RPUSD2: variants seen among roughly 807,000 people sequenced by gnomAD.
RPUSD2 encodes the protein RNA pseudouridine synthase domain containing 2.
In RPUSD2, 31 loss-of-function variants were observed where a neutral mutation model predicts 41.5. The ratio of observed to expected loss-of-function variants is 0.75; its 90% CI spans 0.56 to 1.01. The LOEUF is 1.01. Among genes scored for constraint, RPUSD2 ranks in the 50% least tolerant of loss-of-function variants. The pLI, the probability that RPUSD2 is intolerant of heterozygous loss-of-function variation, is 0.00. For missense variants in RPUSD2, 749 were observed against 724.7 expected, an observed-to-expected ratio of 1.03 and a Z score of -0.38; for synonymous variants, 305 against 289.7, an observed-to-expected ratio of 1.05 and a Z score of -0.54.
rs757010435 is a variant in RPUSD2, at chr15:40,569,649, C to T, written c.312C>T (p.Gly104=). 2 of 1,538,622 alleles carry T rather than the reference C, an allele frequency of 1.3e-6. No homozygotes were observed. The highest frequency in any genetic ancestry group is 8.8e-7 in the Non-Finnish European group (1 of 1,139,558). ...CGGGCAAGCATAAGAAGCGGCGGGG[C>T]GCAACCAGGGAGCGTGTCGTGCCGC... is the stretch of plus-strand genomic sequence containing the variant. ...PGPGKHKKRR[G]ATRERVVPPP... Residue 104 remains glycine (G), a synonymous_variant, in exon 1 of 3, where the codon GGC becomes GGT. Coordinates refer to ENST00000315616, the MANE Select transcript of RPUSD2 (RefSeq NM_152260.3).
At position 40,569,494 on chromosome 15, in the gene RPUSD2, C is replaced by A; in HGVS notation, c.157C>A (p.His53Asn). 6.4e-7 allele frequency: 1 copy of A among 1,559,244 alleles called. No individual in the cohort carries two copies. Among genetic ancestry groups the A allele is most frequent in the South Asian group, 1.2e-5 (1 of 81,524 alleles). Residue 53 changes from histidine to asparagine, a missense_variant, in exon 1 of 3, where the codon CAT becomes AAT. Transcript: ENST00000315616. ...GACAGAGGGCGGGCTGAGGGCTTCG[C>A]ATCAGCAAAACGGTGACGCTGGTGG... ...VGTEGGLRAS[H>N]QQNGDAGGDA...
chr15:40,573,651 C>G lies in RPUSD2; in HGVS notation c.1028C>G (p.Pro343Arg), dbSNP rs1290930937. 1.4e-6 allele frequency: 2 copies of G among 1,470,006 alleles called. No homozygotes were observed. The highest frequency in any genetic ancestry group is 9.0e-7 in the Non-Finnish European group (1 of 1,106,532). The allele number at this position is 1,470,006 out of a possible 1,614,324, so 91.1% of individuals were successfully genotyped here. The change falls in exon 3 of 3, where the codon CCC (proline) becomes CGC (arginine). Residue 343 changes from proline to arginine, a missense_variant. Pro to Arg is a moderately radical substitution (Grantham distance 103, BLOSUM62 -2). Transcript: ENST00000315616. ...GVCRVDPRGK[P>R]CETVFQRLSY... ...TGCCGTGTAGATCCCCGGGGCAAGC[C>G]CTGTGAGACAGTGTTCCAGAGGCTA... is the stretch of plus-strand genomic sequence containing the variant.
At chr15:40,571,502 A>G (rs907395429) in intron 1 of RPUSD2, 102 bp from the exon 2 acceptor site, 1 of 1,091,792 alleles carries the variant, frequency 9.2e-7, no homozygotes, top group Non-Finnish European at 1.3e-6. Flanking sequence ...ATGTGCTTTC[A>G]CCATTTTTCC....
intron 1 of RPUSD2, 41 bp from the exon 2 acceptor site, chr15:40,571,563 C>T (rs1448869962): frequency 6.3e-7 from 1 of 1,585,252 alleles, no homozygotes; most frequent in South Asian, 1.1e-5. Context: ...TGATTACAGG[C>T]TGCGGTCCCT....
intron 2 of RPUSD2, among the ~76,000 whole-genome samples, chr15:40,572,285 A>G (rs1373470149): frequency 2.0e-5 from 3 of 148,346 alleles, no homozygotes; most frequent in Non-Finnish European, 4.5e-5. Context: ...AAAAAAGGCC[A>G]GGCGCAGTGG....
rs759492469 is a variant in RPUSD2, at chr15:40,573,552, T to G, written c.929T>G (p.Val310Gly). The change falls in exon 3 of 3, where the codon GTG (valine) becomes GGG (glycine). Residue 310 changes from valine (V) to glycine (G), a missense_variant. By Grantham distance (109) the Val-to-Gly change is moderately radical (BLOSUM62 -3). Coordinates refer to ENST00000315616, the MANE Select transcript of RPUSD2 (RefSeq NM_152260.3). ...CTGGAGAAGGAGTACGTGTGCCGGG[T>G]GGAAGGGGAGTTCCCCACTGAGGAA... is the stretch of plus-strand genomic sequence containing the variant. ...RQLEKEYVCR[V>G]EGEFPTEEVT... 3.7e-6 allele frequency: 6 copies of G among 1,613,584 alleles called. No individual in the cohort carries two copies. The Admixed American group carries it at 1.0e-4, about 27-fold the overall frequency.
chr15:40,571,039 C>A (rs1566989699), intron 1 of RPUSD2, among the ~76,000 whole-genome samples: 1 of 151,636 alleles, frequency 6.6e-6, no homozygotes, highest in Admixed American at 6.6e-5. Flanking sequence ...GTTGCCCAGG[C>A]TGGCGTGTAG....
Position 40,571,676 on chromosome 15 carries a change from G to T in RPUSD2, c.679G>T (p.Ala227Ser), listed in dbSNP as rs1445905318. ...PVTAEPIRLL[A>S]ENEDVVVVDK... ...CACAGCAGAGCCCATTCGCCTGCTA[G>T]CTGAGAACGAAGATGTGGTGGTTGT... Residue 227 changes from alanine (A) to serine (S), a missense_variant, in exon 2 of 3, where the codon GCT becomes TCT. By Grantham distance (99) the Ala-to-Ser change is moderately conservative (BLOSUM62 1). Transcript: ENST00000315616. 6.2e-7 allele frequency: 1 copy of T among 1,614,128 alleles called. No individual in the cohort carries two copies. Among genetic ancestry groups the T allele is most frequent in the Non-Finnish European group, 8.5e-7 (1 of 1,180,052 alleles).
In RPUSD2 at chr15:40,569,378, A is replaced by T. The variant is rs200122256; in HGVS notation, c.41A>T (p.His14Leu). The change falls in exon 1 of 3, where the codon CAT becomes CTT. Residue 14 changes from histidine (H) to leucine (L), a missense_variant. Coordinates refer to ENST00000315616, the MANE Select transcript of RPUSD2 (RefSeq NM_152260.3). ...DRRGWLRVLG[H>L]WRYDLRRPSF... ...CGCGGATGGCTCAGGGTTCTTGGAC[A>T]TTGGCGCTACGACCTTAGGCGCCCT... 4 of 1,516,190 alleles carry T rather than the reference A, an allele frequency of 2.6e-6. No homozygotes were observed. Among genetic ancestry groups the T allele is most frequent in the Non-Finnish European group, 3.5e-6 (4 of 1,137,714 alleles). 93.9% of individuals were successfully genotyped at this position (1,516,190 alleles called of 1,614,324 possible).
rs994228789 is a variant in RPUSD2 at position 40,569,956 on chromosome 15, T to C, written c.606+13T>C. On this transcript the variant is annotated intron_variant, in intron 1 of 2. Coordinates refer to ENST00000315616, the MANE Select transcript of RPUSD2 (RefSeq NM_152260.3). Reference sequence around the variant, plus strand: ...CATCGTGCTCAAGGTGGAGTCCTGATGGGGCTGGCCAGAAGCGGGCGAGGA... The same window carrying C: ...CATCGTGCTCAAGGTGGAGTCCTGACGGGGCTGGCCAGAAGCGGGCGAGGA... 19 of 1,517,210 alleles carry C rather than the reference T, an allele frequency of 1.3e-5. No homozygotes were observed. In the Admixed American group the frequency reaches 2.3e-4, roughly 19 times the overall value. 94.0% of individuals were successfully genotyped at this position (1,517,210 alleles called of 1,614,324 possible).
At position 40,569,884 on chromosome 15, in the gene RPUSD2, C is replaced by G. The variant is rs1489982087; in HGVS notation, c.547C>G (p.Arg183Gly). 3 of 1,586,504 alleles carry G rather than the reference C, an allele frequency of 1.9e-6. No individual in the cohort carries two copies. Among genetic ancestry groups the G allele is most frequent in the Non-Finnish European group, 1.7e-6 (2 of 1,167,096 alleles). Residue 183 changes from arginine to glycine, a missense_variant, in exon 1 of 3, where the codon CGG (arginine) becomes GGG (glycine). Arg to Gly is a moderately radical substitution (Grantham distance 125). Transcript: ENST00000315616. Reference protein sequence around the residue: ...QPLAYYEAAVRAGRLQLNEKP... With the variant: ...QPLAYYEAAVGAGRLQLNEKP... Reference sequence around the variant, plus strand: ...CCTGGCCTACTATGAGGCCGCGGTCCGGGCGGGCCGCCTGCAACTCAACGA... The same window carrying G: ...CCTGGCCTACTATGAGGCCGCGGTCGGGGCGGGCCGCCTGCAACTCAACGA...
Position 40,574,005 on chromosome 15 carries a change from C to T in RPUSD2, c.1382C>T (p.Ala461Val), listed in dbSNP as rs1891202120. ...KDDLEELAAA[A>V]QKMEEVAEAA... The stretch of plus-strand genomic sequence containing the variant: ...GACCTGGAAGAGTTGGCTGCAGCTG[C>T]CCAGAAGATGGAGGAAGTAGCTGAG... The change falls in exon 3 of 3, where the codon GCC (alanine) becomes GTC (valine). Residue 461 changes from alanine to valine, a missense_variant. Ala to Val is a moderately conservative substitution (Grantham distance 64). Coordinates refer to ENST00000315616, the MANE Select transcript of RPUSD2 (RefSeq NM_152260.3). 6.2e-7 allele frequency: 1 copy of T among 1,613,938 alleles called. No homozygotes were observed. The highest frequency in any genetic ancestry group is 1.3e-5 in the African/African-American group (1 of 74,882).
In RPUSD2 at chr15:40,574,918, AT is replaced by A. The variant is rs1487842132; in HGVS notation, c.*661del. On this transcript the variant is annotated 3_prime_UTR_variant, in exon 3 of 3. Coordinates refer to ENST00000315616, the MANE Select transcript of RPUSD2 (RefSeq NM_152260.3). ...TTGGATTTGCCTGTTTATTCTGGAC[AT>A]TTTATATAAATGGAATGATAAAACA... 6.6e-6 allele frequency: 1 copy of A among 152,202 alleles called. No homozygotes were observed. Among genetic ancestry groups the A allele is most frequent in the Non-Finnish European group, 1.5e-5 (1 of 68,044 alleles). 9.4% of individuals were successfully genotyped at this position (152,202 alleles called of 1,614,324 possible).
chr15:40,573,020 C>CTTTTTTTTTTT (rs398026953), intron 2 of RPUSD2, among the ~76,000 whole-genome samples: 34 of 96,752 alleles, frequency 3.5e-4, no homozygotes, highest in African/African-American at 6.9e-4. Context: ...CTTTTCTTTT[C>CTTTTTTTTTTT]TTTTTTTTTT....
Position 40,574,434 on chromosome 15 carries a change from T to C in RPUSD2, c.*173T>C. On this transcript the variant is annotated 3_prime_UTR_variant, in exon 3 of 3. Coordinates refer to ENST00000315616, the MANE Select transcript of RPUSD2 (RefSeq NM_152260.3). Reference sequence around the variant, plus strand: ...CAGTGGGAATTTGGAGACTTTTTGGTTTGTAAATATATCCCTTTTTCTAAC... The same window carrying C: ...CAGTGGGAATTTGGAGACTTTTTGGCTTGTAAATATATCCCTTTTTCTAAC... 1.5e-6 allele frequency: 1 copy of C among 670,594 alleles called. No individual in the cohort carries two copies. The highest frequency in any genetic ancestry group is 2.5e-5 in the South Asian group (1 of 40,548). The allele number at this position is 670,594 out of a possible 1,614,324, so 41.5% of individuals were successfully genotyped here.
rs66796070 is a variant in RPUSD2, at chr15:40,572,264, CA to C, written c.903+380del. 5.9e-3 allele frequency among the ~76,000 whole-genome samples: 555 copies of C among 94,054 alleles called. 5 individuals carry two copies. Among genetic ancestry groups the C allele is most frequent in the South Asian group, 0.043 (115 of 2,686 alleles). 61.7% of individuals were successfully genotyped at this position (94,054 alleles called of 152,430 possible). On this transcript the variant is annotated intron_variant, in intron 2 of 2. Transcript: ENST00000315616. The stretch of plus-strand genomic sequence containing the variant: ...GCAAAATAGGGAGACCCTATCTCTA[CA>C]AAAAAAAAAAAAAAAGGCCAGGCGC...
chr15:40,573,101 T>G (rs1019756626), intron 2 of RPUSD2, among the ~76,000 whole-genome samples: 1 of 144,658 alleles, frequency 6.9e-6, no homozygotes, highest in Non-Finnish European at 1.5e-5. Context: ...CCTGGCTCAC[T>G]GCAACCTCCG....
rs1483956246 is a variant in RPUSD2, at chr15:40,571,796, C to A, written c.799C>A (p.Leu267Ile). 1.2e-6 allele frequency: 2 copies of A among 1,614,264 alleles called. No individual in the cohort carries two copies. The highest frequency in any genetic ancestry group is 1.7e-6 in the Non-Finnish European group (2 of 1,180,042). ...ILGKEHQLKE[L>I]HPLHRLDRLT... ...AGGCAAGGAGCACCAACTCAAGGAG[C>A]TACACCCCTTGCATCGGCTTGACCG... is the stretch of plus-strand genomic sequence containing the variant. Residue 267 changes from leucine to isoleucine, a missense_variant, in exon 2 of 3, where the codon CTA becomes ATA. Coordinates refer to ENST00000315616, the MANE Select transcript of RPUSD2 (RefSeq NM_152260.3).
chr15:40,571,195 T>C (rs1228686681), intron 1 of RPUSD2, among the ~76,000 whole-genome samples: 3 of 152,174 alleles, frequency 2.0e-5, no homozygotes, highest in African/African-American at 7.2e-5. Context: ...TTTGACCATG[T>C]TAGCCAGGAT....
Sources: gnomAD v4.1 joint callset for allele counts (sites outside exome capture counted in the v4.1 genomes callset) on GRCh38, gnomAD v4.1.1 for gene constraint, MANE v1.5 for transcripts, NCBI Gene and HGNC (gene_info 2026-07-23, HGNC 2026-07-21) for gene names.